Variants in DPYS observed in about 807,000 individuals in gnomAD.
DPYS encodes the protein dihydropyrimidine amidohydrolase.
A neutral mutation model predicts 50.3 loss-of-function variants in DPYS; 39 were observed. That is an observed-to-expected ratio of 0.78 (90% CI 0.60 to 1.01). The LOEUF (loss-of-function observed/expected upper bound fraction) is 1.01. Ranked by LOEUF, DPYS falls within the 50% of genes least tolerant of loss-of-function variation. The pLI is 0.00. For synonymous variants in DPYS, 245 were observed against 250.7 expected, an observed-to-expected ratio of 0.98 and a Z score of 0.22; for missense variants, 659 against 680.9, an observed-to-expected ratio of 0.97 and a Z score of 0.36.
At chr8:104,420,700 CAAAAAAAA>C (rs34835869) in intron 7 of DPYS, 1 of 91,608 alleles carries the variant, frequency 1.1e-5, no homozygotes, top group Non-Finnish European at 2.2e-5. Flanking sequence ...TTCCACTTTT[CAAAAAAAA>C]AAAAAAAAAC....
At chr8:104,423,905 A>G (rs1588431444) in intron 7 of DPYS, 1 of 839,922 alleles carries the variant, frequency 1.2e-6, no homozygotes, top group Non-Finnish European at 1.4e-6. Flanking sequence ...TTTCAATTCA[A>G]CCCTTTTCAA....
At chr8:104,396,645 T>C (rs1811597552) in intron 7 of DPYS, among the ~76,000 whole-genome samples, 1 of 152,144 alleles carries the variant, frequency 6.6e-6, no homozygotes, top group Admixed American at 6.5e-5. Context: ...AAAATATATA[T>C]GCATGTGGGC....
intron 7 of DPYS, chr8:104,411,720 C>A (rs1281449387): frequency 2.1e-4 from 32 of 152,158 alleles, no homozygotes; most frequent in Admixed American, 2.0e-3. Flanking sequence ...CTCAGCAATA[C>A]CCCTCATGGG....
intron 7 of DPYS, among the ~76,000 whole-genome samples, chr8:104,398,887 G>T (rs1485243648): frequency 1.4e-4 from 22 of 152,208 alleles, no homozygotes; most frequent in Admixed American, 1.4e-3. Flanking sequence ...TGAGGTGCAG[G>T]TGTGAAGGCC....
intron 2 of DPYS, among the ~76,000 whole-genome samples, chr8:104,450,927 A>G (rs1490487540): frequency 1.3e-5 from 2 of 152,226 alleles, no homozygotes; most frequent in African/African-American, 4.8e-5. Flanking sequence ...GAATTTAAGA[A>G]AAAGAGAAAT....
chr8:104,379,652 C>A lies in DPYS; in HGVS notation c.*206G>T. 3.1e-6 allele frequency: 1 copy of A among 320,828 alleles called. No individual in the cohort carries two copies. Among genetic ancestry groups the A allele is most frequent in the Admixed American group, 4.1e-5 (1 of 24,634 alleles). 19.9% of individuals were successfully genotyped at this position (320,828 alleles called of 1,614,324 possible). ...TCCATCACAATAATATAAATTTATA[C>A]CTTCAATCTTATGCAGCAACAAAAA... On this transcript the variant is annotated 3_prime_UTR_variant, in exon 10 of 10. Transcript: ENST00000351513.
At chr8:104,423,957 C>T in intron 7 of DPYS, 3 of 982,674 alleles carry the variant, frequency 3.1e-6, no homozygotes, top group Non-Finnish European at 3.6e-6. Flanking sequence ...ACCTTTCTTC[C>T]ATGTGAACTC....
chr8:104,418,527 T>C (rs1299310400), intron 7 of DPYS, among the ~76,000 whole-genome samples: 1 of 152,226 alleles, frequency 6.6e-6, no homozygotes, highest in African/African-American at 2.4e-5. Context: ...CTGTCTGTGA[T>C]AAACACAATT....
chr8:104,461,549 T>C (rs1299586988), intron 1 of DPYS, among the ~76,000 whole-genome samples: 1 of 152,092 alleles, frequency 6.6e-6, no homozygotes, highest in African/African-American at 2.4e-5. Context: ...TGTCACAGCA[T>C]TGCTATATAG....
intron 4 of DPYS, among the ~76,000 whole-genome samples, chr8:104,441,617 A>G (rs1276648165): frequency 1.3e-5 from 2 of 152,216 alleles, no homozygotes; most frequent in Non-Finnish European, 2.9e-5. Flanking sequence ...CCACGAGCCA[A>G]GTAATTGGAG....
Position 104,424,254 on chromosome 8 carries a change from C to T in DPYS, c.1228G>A (p.Gly410Ser), listed in dbSNP as rs755440333. ...DADIVIWDPKGTRTISAKTHH... is the reference protein window; with the variant it reads ...DADIVIWDPKSTRTISAKTHH... ...ACAAGAACTTAGACTTACCTTGTGC[C>T]TTTTGGGTCCCAAATAACAATGTCA... The change falls in exon 7 of 10, where the codon GGC becomes AGC. Residue 410 changes from glycine (G) to serine (S), a missense_variant. Coordinates refer to ENST00000351513, the MANE Select transcript of DPYS (RefSeq NM_001385.3). The T allele has an allele frequency of 3.1e-6, 5 of 1,614,112 alleles. No homozygotes were observed. The East Asian group carries it at 8.9e-5, about 29-fold the overall frequency.
chr8:104,380,201 A>G (rs999557495), intron 9 of DPYS, among the ~76,000 whole-genome samples: 5 of 152,216 alleles, frequency 3.3e-5, no homozygotes, highest in African/African-American at 9.6e-5. Flanking sequence ...AAATCCCTGC[A>G]GGAACAGGAT....
At chr8:104,419,000 T>C (rs1015817523) in intron 7 of DPYS, 12 of 985,436 alleles carry the variant, frequency 1.2e-5, no homozygotes, top group Non-Finnish European at 1.4e-5. Flanking sequence ...GTGACTCTTT[T>C]GGCTTCATTT....
rs200495434 is a variant in DPYS, at chr8:104,444,238, C to G, written c.793+10G>C. 1 of 1,613,814 alleles carries G rather than the reference C, an allele frequency of 6.2e-7. No individual in the cohort carries two copies. Among genetic ancestry groups the G allele is most frequent in the Non-Finnish European group, 8.5e-7 (1 of 1,179,916 alleles). On this transcript the variant is annotated intron_variant, in intron 4 of 9. Coordinates refer to ENST00000351513, the MANE Select transcript of DPYS (RefSeq NM_001385.3). ...ACTGAGTTCTAAGTGAGGTTACATT[C>G]GAGAATTACCATCTCTCCTTGCATC...
At chr8:104,427,133 G>A in intron 6 of DPYS, among the ~76,000 whole-genome samples, 1 of 150,694 alleles carries the variant, frequency 6.6e-6, no homozygotes, top group African/African-American at 2.4e-5. Flanking sequence ...CCCAGGAGGT[G>A]GAGGTTGCAG....
intron 7 of DPYS, among the ~76,000 whole-genome samples, chr8:104,414,285 A>G (rs1812293349): frequency 6.6e-6 from 1 of 152,158 alleles, no homozygotes; most frequent in East Asian, 1.9e-4. Flanking sequence ...CCAAAGTGTT[A>G]TCTAATTTTA....
chr8:104,442,883 G>A (rs573728865), intron 4 of DPYS, among the ~76,000 whole-genome samples: 4 of 152,262 alleles, frequency 2.6e-5, no homozygotes, highest in African/African-American at 7.2e-5. Flanking sequence ...GCAACATGGC[G>A]AGACCCTGTC....
chr8:104,391,978 C>T (rs1407885021), intron 8 of DPYS, among the ~76,000 whole-genome samples: 1 of 152,102 alleles, frequency 6.6e-6, no homozygotes, highest in Non-Finnish European at 1.5e-5. Flanking sequence ...ACATTGTTGT[C>T]ATTTTCCAGA....
chr8:104,407,798 G>C (rs1812044426), intron 7 of DPYS, among the ~76,000 whole-genome samples: 1 of 151,754 alleles, frequency 6.6e-6, no homozygotes, highest in African/African-American at 2.4e-5. Context: ...TCTTAAATGA[G>C]GGAGAATAAT....
Sources: gnomAD v4.1 joint callset for allele counts (sites outside exome capture counted in the v4.1 genomes callset) on GRCh38, gnomAD v4.1.1 for gene constraint, MANE v1.5 for transcripts, NCBI Gene and HGNC (gene_info 2026-07-23, HGNC 2026-07-21) for gene names.